SERPINA3: variants seen among roughly 807,000 people sequenced by gnomAD.
SERPINA3 encodes serpin family A member 3, also known as alpha-1-antichymotrypsin.
A neutral mutation model predicts 26.8 loss-of-function variants in SERPINA3; 32 were observed. The observed-to-expected ratio is 1.20, with a 90% CI of 0.90 to 1.61. SERPINA3 has a LOEUF of 1.61. SERPINA3 is among the 40% of genes most tolerant of loss of function. The pLI is 0.00. For synonymous variants in SERPINA3, 252 were observed against 206.4 expected (o/e 1.22, Z -1.89); for missense variants, 632 against 517.9 (o/e 1.22, Z -2.14).
At chr14:94,612,732 G>A (rs1263087721) in intron 1 of SERPINA3, among the ~76,000 whole-genome samples, 1 of 152,224 alleles carries the variant, frequency 6.6e-6, no homozygotes, top group African/African-American at 2.4e-5. Flanking sequence ...ATTTGAGTCA[G>A]CTGTGCATCT....
rs1452739732 is a variant in SERPINA3 at position 94,619,182 on chromosome 14, G to C, written c.644-13G>C. The C allele has an allele frequency of 1.2e-6, 2 of 1,614,024 alleles. No homozygotes were observed. The highest frequency in any genetic ancestry group is 2.2e-5 in the South Asian group (2 of 91,078). On this transcript the variant is annotated splice_polypyrimidine_tract_variant and intron_variant, in intron 2 of 4. Transcript: ENST00000393078. ...GCACTCACACCTTCTCCAACTGCTT[G>C]CTCCACCTTCAGCCAAATGGGAGAT...
intron 4 of SERPINA3, among the ~76,000 whole-genome samples, chr14:94,623,246 A>G (rs535363138): frequency 7.1e-4 from 108 of 152,316 alleles, no homozygotes; most frequent in Middle Eastern, 6.8e-3. Context: ...AGCTGCCGGG[A>G]TGTTGCTTAG....
Position 94,623,910 on chromosome 14 carries a change from T to C in SERPINA3, c.*96T>C. 9.3e-7 allele frequency: 1 copy of C among 1,079,996 alleles called. No homozygotes were observed. Among genetic ancestry groups the C allele is most frequent in the Non-Finnish European group, 1.4e-6 (1 of 703,842 alleles). 66.9% of individuals were successfully genotyped at this position (1,079,996 alleles called of 1,614,324 possible). A position where few individuals can be genotyped will look rare whatever the true frequency, so the allele number is the denominator to read the frequency against. ...CACAGCCTGGCCCCTGTGCACCGAG[T>C]GGCCATGGCATGTGTGGCCCTGTCT... On this transcript the variant is annotated 3_prime_UTR_variant, in exon 5 of 5. Transcript: ENST00000393078.
intron 3 of SERPINA3, chr14:94,619,843 A>T (rs982276282): frequency 3.0e-6 from 1 of 332,606 alleles, no homozygotes; most frequent in Non-Finnish European, 5.7e-6. Flanking sequence ...TCAGTTCTGC[A>T]CTGGTGAACC....
chr14:94,622,666 C>T (rs761410448), intron 4 of SERPINA3, 175 bp downstream of exon 4: 1 of 711,666 alleles, frequency 1.4e-6, no homozygotes, highest in South Asian at 1.6e-5. Context: ...AGCCCAGCTC[C>T]TCCTGCCGTG....
rs371073697 is a variant in SERPINA3 at position 94,612,477 on chromosome 14, C to G, written c.-9+30C>G. On this transcript the variant is annotated intron_variant, in intron 1 of 4. Transcript: ENST00000393078. Reference sequence around the variant, plus strand: ...TCCATGATGTTTTACATCCTGGGAGCGGAGGAATCTGTTTTTCCAGGAGAG... The same window carrying G: ...TCCATGATGTTTTACATCCTGGGAGGGGAGGAATCTGTTTTTCCAGGAGAG... 4 of 1,306,610 alleles carry G rather than the reference C, an allele frequency of 3.1e-6. No individual in the cohort carries two copies. In the Middle Eastern group the frequency reaches 8.5e-4, roughly 278 times the overall value. 80.9% of individuals were successfully genotyped at this position (1,306,610 alleles called of 1,614,324 possible). A position where few individuals can be genotyped will look rare whatever the true frequency, so the allele number is the denominator to read the frequency against.
Position 94,614,757 on chromosome 14 carries a change from A to G in SERPINA3, c.316A>G (p.Asn106Asp). The part of the protein sequence containing the change: ...LTEILKGLKF[N>D]LTETSEAEIH... ...AGAGATTCTCAAAGGCCTCAAGTTC[A>G]ACCTCACGGAGACTTCTGAGGCAGA... The change falls in exon 2 of 5, where the codon AAC becomes GAC. Residue 106 changes from asparagine to aspartate, a missense_variant. Physicochemically the swap from Asn to Asp is conservative, Grantham distance 23. Coordinates refer to ENST00000393078, the MANE Select transcript of SERPINA3 (RefSeq NM_001085.5). 1 of 1,614,126 alleles carries G rather than the reference A, an allele frequency of 6.2e-7. No individual in the cohort carries two copies. Among genetic ancestry groups the G allele is most frequent in the Non-Finnish European group, 8.5e-7 (1 of 1,180,026 alleles).
chr14:94,622,995 G>A (rs1886262806), intron 4 of SERPINA3, among the ~76,000 whole-genome samples: 1 of 152,250 alleles, frequency 6.6e-6, no homozygotes, highest in Admixed American at 6.5e-5. Context: ...TGGCCATGCA[G>A]CCTTTTGCTC....
At chr14:94,617,028 C>T (rs1269554542) in intron 2 of SERPINA3, among the ~76,000 whole-genome samples, 1 of 152,122 alleles carries the variant, frequency 6.6e-6, no homozygotes, top group Non-Finnish European at 1.5e-5. Context: ...AGTCAGGGTC[C>T]CCAGAGGCAG....
rs1327692617 is a variant in SERPINA3 at position 94,614,970 on chromosome 14, A to C, written c.529A>C (p.Lys177Gln). 2 of 1,613,552 alleles carry C rather than the reference A, an allele frequency of 1.2e-6. No homozygotes were observed. Among genetic ancestry groups the C allele is most frequent in the Non-Finnish European group, 1.7e-6 (2 of 1,179,524 alleles). ...TGACTTTCAGGACTCAGCTGCAGCT[A>C]AGAAGCTCATCAACGACTACGTGAA... The part of the protein sequence containing the change: ...ATDFQDSAAA[K>Q]KLINDYVKNG... The change falls in exon 2 of 5, where the codon AAG (lysine) becomes CAG (glutamine). Residue 177 changes from lysine (K) to glutamine (Q), a missense_variant. Lys to Gln is a moderately conservative substitution (Grantham distance 53). Coordinates refer to ENST00000393078, the MANE Select transcript of SERPINA3 (RefSeq NM_001085.5).
intron 3 of SERPINA3, 102 bp from the exon 4 acceptor site, chr14:94,622,239 G>A: frequency 1.0e-6 from 1 of 1,004,508 alleles, no homozygotes; most frequent in African/African-American, 1.6e-5. Flanking sequence ...AATCAGAAGG[G>A]GGTGACTGTA....
chr14:94,613,849 C>T (rs1296500478), intron 1 of SERPINA3: 1 of 154,980 alleles, frequency 6.5e-6, no homozygotes, highest in Non-Finnish European at 1.4e-5. Flanking sequence ...TTCCCTCTCT[C>T]AGTCGACCCT....
intron 3 of SERPINA3, among the ~76,000 whole-genome samples, chr14:94,621,665 G>A (rs898693371): frequency 7.2e-5 from 11 of 152,224 alleles, no homozygotes; most frequent in African/African-American, 2.6e-4. Context: ...GGTGAGGCAA[G>A]ATGGGAACCT....
chr14:94,619,810 T>C, intron 3 of SERPINA3: 1 of 390,272 alleles, frequency 2.6e-6, no homozygotes, highest in East Asian at 5.5e-5. Flanking sequence ...AGTTGAGGGC[T>C]GCAGTGAGAT....
At chr14:94,622,098 A>AGGGCCAGGCTCGT (rs1886221194) in intron 3 of SERPINA3, among the ~76,000 whole-genome samples, 1 of 152,228 alleles carries the variant, frequency 6.6e-6, no homozygotes, top group African/African-American at 2.4e-5. Context: ...GCCAGGCTCG[A>AGGGCCAGGCTCGT]GCAGGGCCAC....
At chr14:94,620,008 G>A in intron 3 of SERPINA3, 1 of 210,360 alleles carries the variant, frequency 4.8e-6, no homozygotes, top group Non-Finnish European at 9.5e-6. Context: ...GAGGGGACAG[G>A]CAATAAATAA....
intron 4 of SERPINA3, among the ~76,000 whole-genome samples, chr14:94,622,916 C>G (rs535170516): frequency 6.6e-6 from 1 of 152,304 alleles, no homozygotes; most frequent in African/African-American, 2.4e-5. Flanking sequence ...AAAATATGCT[C>G]GGAGTATGAG....
chr14:94,623,723 G>T lies in SERPINA3; in HGVS notation c.1181G>T (p.Arg394Leu), dbSNP rs377262300. 1.2e-6 allele frequency: 2 copies of T among 1,614,128 alleles called. No homozygotes were observed. The highest frequency in any genetic ancestry group is 2.2e-5 in the South Asian group (2 of 91,068). ...TTAGTGGAGACAAGGACCATTGTGCGTTTCAACAGGCCCTTCCTGATGATC... is the reference window on the plus strand; with the variant it reads ...TTAGTGGAGACAAGGACCATTGTGCTTTTCAACAGGCCCTTCCTGATGATC... ...SALVETRTIVRFNRPFLMIIV... is the reference protein window; with the variant it reads ...SALVETRTIVLFNRPFLMIIV... The change falls in exon 5 of 5, where the codon CGT becomes CTT. Residue 394 changes from arginine to leucine, a missense_variant. By Grantham distance (102) the Arg-to-Leu change is moderately radical. Transcript: ENST00000393078.
intron 2 of SERPINA3, among the ~76,000 whole-genome samples, chr14:94,616,129 G>A (rs1349410851): frequency 3.3e-5 from 5 of 152,104 alleles, no homozygotes; most frequent in South Asian, 2.1e-4. Context: ...CCATGTTCTC[G>A]CCTCCTACTA....
Sources: gnomAD v4.1 joint callset for allele counts (sites outside exome capture counted in the v4.1 genomes callset) on GRCh38, gnomAD v4.1.1 for gene constraint, MANE v1.5 for transcripts, NCBI Gene and HGNC (gene_info 2026-07-23, HGNC 2026-07-21) for gene names.